Variants in CNTN1 observed in about 807,000 individuals in gnomAD.
CNTN1 encodes contactin-1.
A neutral mutation model predicts 126.4 loss-of-function variants in CNTN1; 38 were observed. The ratio of observed to expected loss-of-function variants is 0.30; its 90% confidence interval spans 0.23 to 0.39. The LOEUF is 0.39. CNTN1 is among the 10% of genes least tolerant of loss of function. The pLI is 1.00. For synonymous variants in CNTN1, 413 were observed against 422.6 expected (o/e 0.98, Z 0.28); for missense variants, 1,009 against 1,248.4 (o/e 0.81, Z 2.89).
At position 40,943,648 on chromosome 12, in the gene CNTN1, T is replaced by A; in HGVS notation, c.1431T>A (p.Asn477Lys). Residue 477 changes from asparagine to lysine, a missense_variant, in exon 13 of 24, where the codon AAT becomes AAA. Transcript: ENST00000551295. ...GSLEINNITR[N>K]DGGIYTCFAE... ...TGGAAATCAACAACATTACAAGGAA[T>A]GATGGAGGTATCTATACATGCTTTG... 6.2e-7 allele frequency: 1 copy of A among 1,604,484 alleles called. No homozygotes were observed. Among genetic ancestry groups the A allele is most frequent in the Non-Finnish European group, 8.5e-7 (1 of 1,171,528 alleles).
chr12:41,025,831 A>G lies in CNTN1; in HGVS notation c.2710+495A>G, dbSNP rs1949026663. 2.0e-5 allele frequency among the ~76,000 whole-genome samples: 3 copies of G among 152,334 alleles called. No individual in the cohort carries two copies. The South Asian group carries it at 6.2e-4, about 32-fold the overall frequency. The stretch of plus-strand genomic sequence containing the variant: ...GGTGGTTCATAAAACAAGACCGCCT[A>G]TCCCTGCTCACGTTCTGGTCATTCT... On this transcript the variant is annotated intron_variant, in intron 21 of 23. Transcript: ENST00000551295.
chr12:41,061,915 A>G, intron 23 of CNTN1: 1 of 383,088 alleles, frequency 2.6e-6, no homozygotes, highest in Non-Finnish European at 5.2e-6. Flanking sequence ...TTTCTTCTCT[A>G]CCTAGCTTAG....
At chr12:40,793,706 G>C (rs912423743) in intron 1 of CNTN1, among the ~76,000 whole-genome samples, 3 of 151,924 alleles carry the variant, frequency 2.0e-5, no homozygotes, top group Non-Finnish European at 2.9e-5. Context: ...CTGCCACCTG[G>C]AAAATATCTA....
rs184818012 is a variant in CNTN1 at position 40,998,173 on chromosome 12, C to T, written c.2113+4904C>T. On this transcript the variant is annotated intron_variant, in intron 17 of 23. Coordinates refer to ENST00000551295, the MANE Select transcript of CNTN1 (RefSeq NM_001843.4). ...TTTTGATGATTGAAAACAAGTTTAA[C>T]ATATACATTCGATGCTATTGTCCAT... is the stretch of plus-strand genomic sequence containing the variant. 2.6e-5 allele frequency among the ~76,000 whole-genome samples: 4 copies of T among 152,254 alleles called. No homozygotes were observed. The East Asian group carries it at 5.8e-4, about 22-fold the overall frequency.
At chr12:41,024,186 TA>T in intron 20 of CNTN1, among the ~76,000 whole-genome samples, 1 of 152,264 alleles carries the variant, frequency 6.6e-6, no homozygotes, top group East Asian at 1.9e-4. Flanking sequence ...CATGTTTATG[TA>T]AATAAAAAAT....
intron 1 of CNTN1, among the ~76,000 whole-genome samples, chr12:40,904,111 T>C (rs914582383): frequency 1.3e-4 from 20 of 152,170 alleles, no homozygotes; most frequent in Non-Finnish European, 2.4e-4. Context: ...CTCCGCCTCC[T>C]GGGTTCACGC....
rs141083155 is a variant in CNTN1 at position 40,941,033 on chromosome 12, C to A, written c.1379+1548C>A. ...TTCTGATGAAGACCCATGTCATGGACCTCTTCAACCAAGGATTTCCCAGAA... is the reference window on the plus strand; with the variant it reads ...TTCTGATGAAGACCCATGTCATGGAACTCTTCAACCAAGGATTTCCCAGAA... On this transcript the variant is annotated intron_variant, in intron 12 of 23. Coordinates refer to ENST00000551295, the MANE Select transcript of CNTN1 (RefSeq NM_001843.4). Among the ~76,000 whole-genome samples the A allele has an allele frequency of 5.2e-4, 79 of 152,258 alleles. 1 individual carries two copies. In the East Asian group the frequency reaches 0.013, roughly 26 times the overall value.
chr12:40,747,966 G>A (rs925536812), intron 1 of CNTN1, among the ~76,000 whole-genome samples: 1 of 152,150 alleles, frequency 6.6e-6, no homozygotes, highest in Non-Finnish European at 1.5e-5. Flanking sequence ...AGATCTCTGT[G>A]CAGGCAGAGA....
At chr12:40,708,874 A>ATT (rs1021861573) in intron 1 of CNTN1, among the ~76,000 whole-genome samples, 2 of 152,066 alleles carry the variant, frequency 1.3e-5, no homozygotes, top group Non-Finnish European at 2.9e-5. Flanking sequence ...TTCTAATTCT[A>ATT]TTTTTCTTGC....
At chr12:40,735,391 A>G (rs1057013838) in intron 1 of CNTN1, among the ~76,000 whole-genome samples, 7 of 152,128 alleles carry the variant, frequency 4.6e-5, no homozygotes, top group African/African-American at 1.7e-4. Context: ...TTAAAAGCCT[A>G]TATTTGTTTG....
intron 1 of CNTN1, among the ~76,000 whole-genome samples, chr12:40,901,788 T>C (rs1359546470): frequency 1.3e-5 from 2 of 152,350 alleles, no homozygotes; most frequent in East Asian, 1.9e-4. Context: ...GTGTGTACTG[T>C]ATTCCTTGGC....
chr12:40,918,669 T>C lies in CNTN1; in HGVS notation c.125T>C (p.Ile42Thr), dbSNP rs750317692. 9 of 1,613,432 alleles carry C rather than the reference T, an allele frequency of 5.6e-6. No homozygotes were observed. Among genetic ancestry groups the C allele is most frequent in the Non-Finnish European group, 7.6e-6 (9 of 1,179,528 alleles). ...GAGGAAGACAAAGGATTTGGACCAATTTTTGAAGAGCAGCCAATCAATACC... is the reference window on the plus strand; with the variant it reads ...GAGGAAGACAAAGGATTTGGACCAACTTTTGAAGAGCAGCCAATCAATACC... The part of the protein sequence containing the change: ...VSEEDKGFGP[I>T]FEEQPINTIY... Residue 42 changes from isoleucine (I) to threonine (T), a missense_variant, in exon 4 of 24, where the codon ATT (isoleucine) becomes ACT (threonine). Ile to Thr is a moderately conservative substitution (Grantham distance 89, BLOSUM62 -1). Transcript: ENST00000551295.
chr12:40,822,948 T>C (rs73116794), intron 1 of CNTN1, among the ~76,000 whole-genome samples: 3,406 of 152,260 alleles, frequency 0.022, 121 homozygotes, highest in African/African-American at 0.077. Context: ...ACCATCTTTA[T>C]GTCCACGTGT....
intron 1 of CNTN1, among the ~76,000 whole-genome samples, chr12:40,815,105 T>C (rs1045566439): frequency 1.3e-5 from 2 of 152,164 alleles, no homozygotes; most frequent in Non-Finnish European, 2.9e-5. Flanking sequence ...CTCTGTTCTT[T>C]TTGCTTAGGA....
rs558162155 is a variant in CNTN1, at chr12:41,006,358, G to A, written c.2114-7870G>A. Among the ~76,000 whole-genome samples, 14 of 152,288 alleles carry A rather than the reference G, an allele frequency of 9.2e-5. No homozygotes were observed. In the South Asian group the frequency reaches 2.9e-3, roughly 32 times the overall value. ...GTGCTGGGGTATCTGCCTCCCTGCA[G>A]GTGTTCACCACAGTGGCAGAGGCAA... On this transcript the variant is annotated intron_variant, in intron 17 of 23. Coordinates refer to ENST00000551295, the MANE Select transcript of CNTN1 (RefSeq NM_001843.4).
At chr12:40,753,166 A>C (rs1427868026) in intron 1 of CNTN1, among the ~76,000 whole-genome samples, 1 of 152,052 alleles carries the variant, frequency 6.6e-6, no homozygotes, top group South Asian at 2.1e-4. Flanking sequence ...ATTCCCACTA[A>C]AAGGAGTGAA....
intron 6 of CNTN1, 94 bp downstream of exon 6, chr12:40,924,746 T>C (rs1441694397): frequency 4.1e-6 from 3 of 724,856 alleles, no homozygotes; most frequent in Admixed American, 3.9e-5. Context: ...TTAATAATCA[T>C]GGCTTATTAT....
chr12:41,055,531 T>A (rs1184448397), intron 23 of CNTN1, among the ~76,000 whole-genome samples: 2 of 152,120 alleles, frequency 1.3e-5, no homozygotes, highest in African/African-American at 4.8e-5. Context: ...GTACTACAGT[T>A]GTGGTTTACT....
chr12:41,038,356 T>C (rs1030172884), intron 23 of CNTN1, among the ~76,000 whole-genome samples: 2 of 151,994 alleles, frequency 1.3e-5, no homozygotes, highest in Non-Finnish European at 2.9e-5. Flanking sequence ...TTTTCTCAAT[T>C]TTGGGGGCTA....
Sources: gnomAD v4.1 joint callset for allele counts (sites outside exome capture counted in the v4.1 genomes callset) on GRCh38, gnomAD v4.1.1 for gene constraint, MANE v1.5 for transcripts, NCBI Gene and HGNC (gene_info 2026-07-23, HGNC 2026-07-21) for gene names.